Variants in SEMA6B observed in about 807,000 individuals in gnomAD.
SEMA6B encodes semaphorin 6B, also known as semaphorin-6B.
In SEMA6B, 47 loss-of-function variants were observed where a neutral mutation model predicts 78.6. That is an observed-to-expected ratio of 0.60 (90% CI 0.47 to 0.76). SEMA6B has a LOEUF of 0.76. SEMA6B is among the 30% of genes least tolerant of loss of function. SEMA6B has a pLI of 0.00. For missense variants in SEMA6B, 1,213 were observed against 1,269.9 expected (o/e 0.96, Z 0.68); for synonymous variants, 632 against 592.2 (o/e 1.07, Z -0.98).
Position 4,548,115 on chromosome 19 carries a change from C to T in SEMA6B, c.1513G>A (p.Ala505Thr), listed in dbSNP as rs766311873. 31 of 1,591,184 alleles carry T rather than the reference C, an allele frequency of 1.9e-5. No homozygotes were observed. Among genetic ancestry groups the T allele is most frequent in the South Asian group, 1.4e-4 (13 of 89,694 alleles). The change falls in exon 14 of 17, where the codon GCA (alanine) becomes ACA (threonine). Residue 505 changes from alanine (A) to threonine (T), a missense_variant. Ala to Thr is a moderately conservative substitution (Grantham distance 58, BLOSUM62 0). Coordinates refer to ENST00000586582, the MANE Select transcript of SEMA6B (RefSeq NM_032108.4). ...GQRLLSLELD[A>T]ASGGLLAAFP... is the part of the protein sequence containing the mutation. ...GCAGCCAGCAGGCCCCCCGAAGCTG[C>T]GTCCAGCTCCAAGCTCAGCAGCCGC...
intron 9 of SEMA6B, among the ~76,000 whole-genome samples, chr19:4,553,162 T>C (rs1207052630): frequency 6.6e-6 from 1 of 152,130 alleles, no homozygotes; most frequent in Non-Finnish European, 1.5e-5. Context: ...ATGGAAGAGA[T>C]GGTGAAGGAG....
At chr19:4,549,532 G>A (rs1165995551) in intron 12 of SEMA6B, among the ~76,000 whole-genome samples, 2 of 152,094 alleles carry the variant, frequency 1.3e-5, no homozygotes, top group East Asian at 3.9e-4. Context: ...AGGCGGGACT[G>A]CAGTGGCGTG....
At position 4,542,689 on chromosome 19, in the gene SEMA6B, A is replaced by G; in HGVS notation, c.*912T>C. The stretch of plus-strand genomic sequence containing the variant: ...AGCCAGCCACGTGGCATGCATGGTC[A>G]GCTGGAGGTCAGAGGGGGGAGGTCA... On this transcript the variant is annotated 3_prime_UTR_variant, in exon 17 of 17. Coordinates refer to ENST00000586582, the MANE Select transcript of SEMA6B (RefSeq NM_032108.4). 2 of 653,478 alleles carry G rather than the reference A, an allele frequency of 3.1e-6. No homozygotes were observed. The highest frequency in any genetic ancestry group is 5.6e-5 in the East Asian group (2 of 35,944). 40.5% of individuals were successfully genotyped at this position (653,478 alleles called of 1,614,324 possible).
Position 4,552,343 on chromosome 19 carries a change from T to C in SEMA6B, c.989+79A>G. On this transcript the variant is annotated intron_variant, in intron 10 of 16. Transcript: ENST00000586582. This position sits in a 1 kb window ranked among gnomAD's most constrained non-coding sequence, Gnocchi z 7.4. Reference sequence around the variant, plus strand: ...GGTGCCCAACCTAGCACCCAGGGCATACCTGAGGAGTGAATACAGGCCCTC... The same window carrying C: ...GGTGCCCAACCTAGCACCCAGGGCACACCTGAGGAGTGAATACAGGCCCTC... The C allele has an allele frequency of 7.2e-7, 1 of 1,380,544 alleles. No individual in the cohort carries two copies. The highest frequency in any genetic ancestry group is 2.1e-5 in the Admixed American group (1 of 46,966). 85.5% of individuals were successfully genotyped at this position (1,380,544 alleles called of 1,614,324 possible).
At chr19:4,554,656 T>C (rs997989473) in intron 8 of SEMA6B, among the ~76,000 whole-genome samples, 180 bp from the exon 9 acceptor site, 2 of 152,244 alleles carry the variant, frequency 1.3e-5, no homozygotes, top group African/African-American at 4.8e-5. Flanking sequence ...AAAATCGCTG[T>C]GTCTCTTGCT....
rs747062146 is a variant in SEMA6B, at chr19:4,544,100, G to A, written c.2168C>T (p.Pro723Leu). The change falls in exon 17 of 17, where the codon CCG becomes CTG. Residue 723 changes from proline (P) to leucine (L), a missense_variant. Transcript: ENST00000586582. This position sits in a 1 kb window ranked among gnomAD's most constrained non-coding sequence, Gnocchi z 5.1. ...GCCCAGGGCGTGGGGGTGCGGGTGC[G>A]GAGTGGGCAGGCGCTTCTGCGGCAG... ...TPLPQKRLPTPHPHPHALGPR... is the reference protein window; with the variant it reads ...TPLPQKRLPTLHPHPHALGPR... 3.6e-5 allele frequency: 46 copies of A among 1,265,152 alleles called. No individual in the cohort carries two copies. The East Asian group carries it at 1.4e-3, about 38-fold the overall frequency. 78.4% of individuals were successfully genotyped at this position (1,265,152 alleles called of 1,614,324 possible).
intron 13 of SEMA6B, 21 bp from the exon 14 acceptor site, chr19:4,548,194 G>A: frequency 1.3e-6 from 2 of 1,587,688 alleles, no homozygotes; most frequent in Non-Finnish European, 1.7e-6. Flanking sequence ...GCAGAGTGGT[G>A]AGGCTGAGCG....
chr19:4,546,448 G>T lies in SEMA6B; in HGVS notation c.1623C>A (p.Asp541Glu). The part of the protein sequence containing the change: ...GCMKNCIGSQ[D>E]PYCGWAPDGS... ...CGTCGGGGGCCCACCCGCAGTAGGG[G>T]TCCTGACTGCCGATACAGTTCCTAG... Residue 541 changes from aspartate (D) to glutamate (E), a missense_variant, in exon 15 of 17, where the codon GAC becomes GAA. Coordinates refer to ENST00000586582, the MANE Select transcript of SEMA6B (RefSeq NM_032108.4). 1.3e-6 allele frequency: 2 copies of T among 1,571,280 alleles called. No individual in the cohort carries two copies. Among genetic ancestry groups the T allele is most frequent in the Non-Finnish European group, 1.7e-6 (2 of 1,157,670 alleles).
At position 4,550,686 on chromosome 19, in the gene SEMA6B, C is replaced by T. The variant is rs2043328; in HGVS notation, c.1121+113G>A. ...GCCTCAGTTTTTCCCAACTGTATAA[C>T]GGGTACAGCTGAACTCAGCATCAGC... On this transcript the variant is annotated intron_variant, in intron 11 of 16. Transcript: ENST00000586582. The surrounding 1 kb of genome is among the most constrained non-coding windows in gnomAD (Gnocchi z 6.6). 0.96 allele frequency: 1,268,259 copies of T among 1,326,690 alleles called. 606,678 individuals carry two copies. Among genetic ancestry groups the T allele is most frequent in the African/African-American group, 0.98 (67,034 of 68,176 alleles). The allele number at this position is 1,326,690 out of a possible 1,614,324, so 82.2% of individuals were successfully genotyped here.
At position 4,558,311 on chromosome 19, in the gene SEMA6B, C is replaced by T. The variant is rs1237156244; in HGVS notation, c.121+26G>A. The T allele has an allele frequency of 2.3e-6, 3 of 1,316,124 alleles. No homozygotes were observed. The highest frequency in any genetic ancestry group is 9.8e-7 in the Non-Finnish European group (1 of 1,023,104). 81.5% of individuals were successfully genotyped at this position (1,316,124 alleles called of 1,614,324 possible). On this transcript the variant is annotated intron_variant, in intron 2 of 16. Coordinates refer to ENST00000586582, the MANE Select transcript of SEMA6B (RefSeq NM_032108.4). The surrounding 1 kb of genome is among the most constrained non-coding windows in gnomAD (Gnocchi z 5.1). ...CAGATACTCCCACGGGACTCCACCC[C>T]CGCCCAAAGACACCCCCAGACTCAC... is the stretch of plus-strand genomic sequence containing the variant.
At chr19:4,559,094 T>C (rs1050447350) in intron 1 of SEMA6B, among the ~76,000 whole-genome samples, 1 of 150,068 alleles carries the variant, frequency 6.7e-6, no homozygotes, top group Non-Finnish European at 1.5e-5. Context: ...ACTGGAGAGC[T>C]GAGGCAGGAG....
intron 3 of SEMA6B, 37 bp from the exon 4 acceptor site, chr19:4,557,260 C>A: frequency 6.6e-7 from 1 of 1,504,870 alleles, no homozygotes; most frequent in Non-Finnish European, 9.0e-7. Flanking sequence ...ACTGGGGGCT[C>A]CGCCACCCTC....
chr19:4,552,555 G>A lies in SEMA6B; in HGVS notation c.856C>T (p.Leu286=), dbSNP rs1166891791. ...ACAGAGCAGTTGAGCCGCGCCTTCA[G>A]GAAGGACGTCCACTGCTTCTCCAGC... ...RVLEKQWTSF[L]KARLNCSVPG... is the part of the protein sequence containing the mutation. The change falls in exon 10 of 17, where the codon CTG becomes TTG. Residue 286 remains leucine (L), a synonymous_variant. Transcript: ENST00000586582. This position sits in a 1 kb window ranked among gnomAD's most constrained non-coding sequence, Gnocchi z 7.4. 12 of 1,612,850 alleles carry A rather than the reference G, an allele frequency of 7.4e-6. No homozygotes were observed. Among genetic ancestry groups the A allele is most frequent in the Non-Finnish European group, 1.0e-5 (12 of 1,180,010 alleles).
chr19:4,544,813 T>G lies in SEMA6B; in HGVS notation c.1739-284A>C, dbSNP rs2145343518. ...ACCACGCCCGGCTAATTTTTGTATT[T>G]TTAGTAGGATGGGGTTTCACCACGT... On this transcript the variant is annotated intron_variant, in intron 16 of 16. Coordinates refer to ENST00000586582, the MANE Select transcript of SEMA6B (RefSeq NM_032108.4). The surrounding 1 kb of genome is among the most constrained non-coding windows in gnomAD (Gnocchi z 5.1). Among the ~76,000 whole-genome samples, 1 of 152,056 alleles carries G rather than the reference T, an allele frequency of 6.6e-6. No homozygotes were observed. The highest frequency in any genetic ancestry group is 2.0e-4 in the East Asian group (1 of 5,128).
At chr19:4,545,340 C>CAA (rs552554036) in intron 16 of SEMA6B, among the ~76,000 whole-genome samples, 4,848 of 113,672 alleles carry the variant, frequency 0.043, 287 homozygotes, top group African/African-American at 0.15. Context: ...GACTCTGTCT[C>CAA]AAAAAAAAAA....
In SEMA6B at chr19:4,543,566, G is replaced by C. The variant is rs967518129; in HGVS notation, c.*35C>G. 32 of 1,116,792 alleles carry C rather than the reference G, an allele frequency of 2.9e-5. No individual in the cohort carries two copies. The highest frequency in any genetic ancestry group is 3.4e-5 in the Non-Finnish European group (30 of 880,226). The allele number at this position is 1,116,792 out of a possible 1,614,324, so 69.2% of individuals were successfully genotyped here. ...ACCGTCTCTCGCTCCTGGTTCCCGTGGCTGGCACTGCCAAGGCATCGGGGG... is the reference window on the plus strand; with the variant it reads ...ACCGTCTCTCGCTCCTGGTTCCCGTCGCTGGCACTGCCAAGGCATCGGGGG... On this transcript the variant is annotated 3_prime_UTR_variant, in exon 17 of 17. Coordinates refer to ENST00000586582, the MANE Select transcript of SEMA6B (RefSeq NM_032108.4).
Position 4,549,299 on chromosome 19 carries a change from CT to C in SEMA6B, c.1271+823del, listed in dbSNP as rs55771429. 2.2e-3 allele frequency among the ~76,000 whole-genome samples: 212 copies of C among 98,576 alleles called. 1 individual carries two copies. Among genetic ancestry groups the C allele is most frequent in the Middle Eastern group, 0.02 (3 of 152 alleles). The allele number at this position is 98,576 out of a possible 152,430, so 64.7% of individuals were successfully genotyped here. A position where few individuals can be genotyped will look rare whatever the true frequency, so the allele number is the denominator to read the frequency against. Reference sequence around the variant, plus strand: ...CTGGTGTGTGTCTGTCTGTCTACCTCTTTTTTTTTTTTTTTTTTTTTGAGGT... The same window carrying C: ...CTGGTGTGTGTCTGTCTGTCTACCTCTTTTTTTTTTTTTTTTTTTTGAGGT... On this transcript the variant is annotated intron_variant, in intron 12 of 16. Transcript: ENST00000586582.
chr19:4,557,296 A>C, intron 3 of SEMA6B, 73 bp from the exon 4 acceptor site: 2 of 1,109,530 alleles, frequency 1.8e-6, no homozygotes, highest in Non-Finnish European at 2.6e-6. Context: ...CCCACTGCCA[A>C]TGTGGTGTGC....
Position 4,558,504 on chromosome 19 carries a change from C to T in SEMA6B, c.-32-15G>A, listed in dbSNP as rs941776124. ...GGAGGTGACGCCTGCGGGCAAGGGG[C>T]GGCGAGGTGAGCGGCCTGCAGTCCC... is the stretch of plus-strand genomic sequence containing the variant. On this transcript the variant is annotated splice_polypyrimidine_tract_variant and intron_variant, in intron 1 of 16. Coordinates refer to ENST00000586582, the MANE Select transcript of SEMA6B (RefSeq NM_032108.4). This position sits in a 1 kb window ranked among gnomAD's most constrained non-coding sequence, Gnocchi z 5.1. 8.1e-6 allele frequency: 10 copies of T among 1,234,476 alleles called. No individual in the cohort carries two copies. The highest frequency in any genetic ancestry group is 1.6e-5 in the African/African-American group (1 of 64,378). 76.5% of individuals were successfully genotyped at this position (1,234,476 alleles called of 1,614,324 possible). A position where few individuals can be genotyped will look rare whatever the true frequency, so the allele number is the denominator to read the frequency against.
Sources: gnomAD v4.1 joint callset for allele counts (sites outside exome capture counted in the v4.1 genomes callset) on GRCh38, gnomAD v4.1.1 for gene constraint, Gnocchi (gnomAD v3.1) non-coding constraint, MANE v1.5 for transcripts, NCBI Gene and HGNC (gene_info 2026-07-23, HGNC 2026-07-21) for gene names.